The following OPCML variants were observed in gnomAD, a reference collection of about 807,000 sequenced individuals.
OPCML encodes the protein opioid-binding protein/cell adhesion molecule.
OPCML carries 13 observed loss-of-function variants against 37.8 expected under a neutral mutation model. That is an observed-to-expected ratio of 0.34 (90% CI 0.22 to 0.55). The LOEUF is 0.55. Ranked by LOEUF, OPCML falls within the 20% of genes least tolerant of loss-of-function variation. The pLI is 0.91. For synonymous variants in OPCML, 176 were observed against 168.8 expected (o/e 1.04, Z -0.33); for missense variants, 341 against 435.6 (o/e 0.78, Z 1.93).
intron 1 of OPCML, among the ~76,000 whole-genome samples, chr11:133,057,663 C>A (rs902267609): frequency 2.6e-5 from 4 of 152,168 alleles, no homozygotes; most frequent in African/African-American, 4.8e-5. Context: ...TTTCAAAGGA[C>A]AGAAATGACT....
At chr11:133,457,412 G>A (rs541697166) in intron 1 of OPCML, among the ~76,000 whole-genome samples, 4 of 151,966 alleles carry the variant, frequency 2.6e-5, no homozygotes, top group Admixed American at 2.0e-4. Flanking sequence ...GGTGGTGCAC[G>A]CCTGTAGTCC....
intron 2 of OPCML, among the ~76,000 whole-genome samples, chr11:132,929,081 C>T (rs1223506327): frequency 6.7e-6 from 1 of 149,320 alleles, no homozygotes; most frequent in East Asian, 2.0e-4. Flanking sequence ...ACAAAACTAG[C>T]AGAAGAAAGA....
At chr11:133,502,783 C>T (rs1397133811) in intron 1 of OPCML, among the ~76,000 whole-genome samples, 1 of 152,116 alleles carries the variant, frequency 6.6e-6, no homozygotes, top group Non-Finnish European at 1.5e-5. Context: ...GTGCCGTTGC[C>T]TATGTTTAAA....
chr11:133,151,436 G>A (rs1949984792), intron 1 of OPCML, among the ~76,000 whole-genome samples: 1 of 151,830 alleles, frequency 6.6e-6, no homozygotes, highest in South Asian at 2.1e-4. Flanking sequence ...AGGAAGGAAG[G>A]AGGAAAAAGA....
intron 7 of OPCML, among the ~76,000 whole-genome samples, chr11:132,435,406 A>G (rs2096009647): frequency 6.6e-6 from 1 of 152,228 alleles, no homozygotes; most frequent in Non-Finnish European, 1.5e-5. Flanking sequence ...ATAAACAAAT[A>G]CATATGCACA....
intron 1 of OPCML, among the ~76,000 whole-genome samples, chr11:133,032,430 A>G (rs1324379429): frequency 6.6e-6 from 1 of 152,140 alleles, no homozygotes; most frequent in Non-Finnish European, 1.5e-5. Context: ...CCAGCTCAGC[A>G]TGCTCATTCC....
chr11:133,189,715 A>G (rs998867882), intron 1 of OPCML, among the ~76,000 whole-genome samples: 5 of 152,212 alleles, frequency 3.3e-5, no homozygotes, highest in Admixed American at 3.3e-4. Flanking sequence ...ATCACATAAC[A>G]CACAACCAGC....
intron 2 of OPCML, among the ~76,000 whole-genome samples, chr11:132,893,398 A>C (rs561479011): frequency 7.6e-4 from 115 of 152,216 alleles, no homozygotes; most frequent in African/African-American, 2.7e-3. Context: ...GTGCAGCCCT[A>C]TTTGCTGCTG....
chr11:132,619,233 G>A (rs758618838), intron 3 of OPCML, among the ~76,000 whole-genome samples: 7 of 152,070 alleles, frequency 4.6e-5, no homozygotes, highest in East Asian at 1.9e-4. Flanking sequence ...CAAGTAGGCC[G>A]GGCCTGCCCA....
chr11:133,242,478 C>T (rs1940767639), intron 1 of OPCML, among the ~76,000 whole-genome samples: 1 of 152,132 alleles, frequency 6.6e-6, no homozygotes, highest in Non-Finnish European at 1.5e-5. Context: ...TCCATGGGGA[C>T]AGGTTCTCCT....
At position 133,072,823 on chromosome 11, in the gene OPCML, G is replaced by A. The variant is rs114929028; in HGVS notation, c.62-129813C>T. Among the ~76,000 whole-genome samples, 814 of 152,320 alleles carry A rather than the reference G, an allele frequency of 5.3e-3. 9 individuals are homozygous for A. Among genetic ancestry groups the A allele is most frequent in the African/African-American group, 0.018 (768 of 41,572 alleles). On this transcript the variant is annotated intron_variant, in intron 1 of 7. Transcript: ENST00000524381. ...GGACTGTAAGTACTCAAGAGTGAGC[G>A]ACAGAGATTTAGTAGAGGCATTGAC...
chr11:133,421,582 A>G (rs1945887554), intron 1 of OPCML: 1 of 985,340 alleles, frequency 1.0e-6, no homozygotes, highest in Non-Finnish European at 1.2e-6. Flanking sequence ...ATAAAATTGA[A>G]AACTGGGAGT....
At chr11:132,818,608 T>TGATA (rs79980111) in intron 2 of OPCML, among the ~76,000 whole-genome samples, 1 of 129,164 alleles carries the variant, frequency 7.7e-6, no homozygotes, top group African/African-American at 2.9e-5. Flanking sequence ...GATAGATAGA[T>TGATA]GATAGATAGA....
intron 1 of OPCML, among the ~76,000 whole-genome samples, chr11:133,214,019 C>G (rs1474758959): frequency 1.3e-5 from 2 of 152,060 alleles, no homozygotes; most frequent in African/African-American, 4.8e-5. Context: ...GATGTGAGCT[C>G]TGTACTCAAT....
intron 3 of OPCML, among the ~76,000 whole-genome samples, chr11:132,589,059 A>G (rs2096479511): frequency 6.6e-6 from 1 of 152,216 alleles, no homozygotes; most frequent in Admixed American, 6.6e-5. Flanking sequence ...TTGATACGCA[A>G]TAAATAATGT....
At chr11:132,849,501 T>C (rs1045393279) in intron 2 of OPCML, among the ~76,000 whole-genome samples, 15 of 152,166 alleles carry the variant, frequency 9.9e-5, no homozygotes, top group Non-Finnish European at 2.9e-5. Context: ...GATAAAATTA[T>C]GGGAGATGTC....
intron 1 of OPCML, among the ~76,000 whole-genome samples, chr11:133,402,659 C>G (rs571538166): frequency 6.6e-6 from 1 of 152,274 alleles, no homozygotes; most frequent in South Asian, 2.1e-4. Flanking sequence ...AACAATATGG[C>G]CAGACCAAGA....
chr11:132,936,262 G>A (rs1256641065), intron 2 of OPCML, among the ~76,000 whole-genome samples: 1 of 152,132 alleles, frequency 6.6e-6, no homozygotes, highest in Non-Finnish European at 1.5e-5. Flanking sequence ...AGTTTTCTCT[G>A]TCCTCTACAT....
At chr11:132,901,991 G>A (rs772209914) in intron 2 of OPCML, among the ~76,000 whole-genome samples, 61 of 152,296 alleles carry the variant, frequency 4.0e-4, no homozygotes, top group Middle Eastern at 6.8e-3. Context: ...CGGTGTTTGC[G>A]TCATGGGGCA....
Sources: allele counts gnomAD v4.1 joint callset (sites outside exome capture counted in the v4.1 genomes callset), GRCh38; gene constraint gnomAD v4.1.1; transcripts MANE v1.5; gene names NCBI Gene and HGNC (gene_info 2026-07-23, HGNC 2026-07-21).